ZNF385B: variants seen among roughly 807,000 people sequenced by gnomAD.
The protein encoded by ZNF385B is zinc finger protein 385B, also known as zinc finger protein 533.
ZNF385B carries 23 observed loss-of-function variants against 39.2 expected under a neutral mutation model. The observed-to-expected ratio is 0.59, with a 90% confidence interval of 0.42 to 0.83. ZNF385B has a LOEUF of 0.83. Among genes scored for constraint, ZNF385B ranks in the 40% least tolerant of loss-of-function variants. ZNF385B has a pLI of 0.00. For missense variants in ZNF385B, 552 were observed against 598.9 expected (o/e 0.92, Z 0.82); for synonymous variants, 205 against 222.6 (o/e 0.92, Z 0.70).
chr2:179,808,140 C>T (rs2106563185), intron 1 of ZNF385B, among the ~76,000 whole-genome samples: 1 of 152,044 alleles, frequency 6.6e-6, no homozygotes, highest in East Asian at 2.0e-4. Flanking sequence ...TCACGCCATT[C>T]TCCTGCCTTA....
intron 4 of ZNF385B, among the ~76,000 whole-genome samples, chr2:179,528,439 A>G (rs2059056063): frequency 6.6e-6 from 1 of 152,220 alleles, no homozygotes; most frequent in Non-Finnish European, 1.5e-5. Flanking sequence ...AATGATCATG[A>G]GTTACTTCTT....
At chr2:179,806,699 A>T (rs1706372658) in intron 1 of ZNF385B, among the ~76,000 whole-genome samples, 1 of 152,172 alleles carries the variant, frequency 6.6e-6, no homozygotes, top group Non-Finnish European at 1.5e-5. Context: ...ATTATTCCTA[A>T]TTTGTCAATG....
chr2:179,852,937 TG>T (rs1451971138), intron 1 of ZNF385B, among the ~76,000 whole-genome samples: 1 of 152,198 alleles, frequency 6.6e-6, no homozygotes, highest in Non-Finnish European at 1.5e-5. Flanking sequence ...AAAAGACCAC[TG>T]TGCAAAAGAG....
chr2:179,711,198 C>T (rs372325860), intron 3 of ZNF385B, among the ~76,000 whole-genome samples: 9 of 152,196 alleles, frequency 5.9e-5, no homozygotes, highest in African/African-American at 1.7e-4. Context: ...TTTACTCTCG[C>T]AATGTAACCC....
chr2:179,754,082 C>T (rs1394032376), intron 3 of ZNF385B, among the ~76,000 whole-genome samples: 1 of 152,096 alleles, frequency 6.6e-6, no homozygotes, highest in African/African-American at 2.4e-5. Flanking sequence ...TCATAAATAG[C>T]TCTTATTATT....
intron 1 of ZNF385B, among the ~76,000 whole-genome samples, chr2:179,781,400 A>C (rs1450910924): frequency 6.6e-6 from 1 of 152,226 alleles, no homozygotes; most frequent in Non-Finnish European, 1.5e-5. Context: ...CTTACGACAA[A>C]GTGGTAAAAG....
intron 1 of ZNF385B, among the ~76,000 whole-genome samples, chr2:179,841,296 C>T (rs1245613435): frequency 1.2e-4 from 18 of 152,120 alleles, no homozygotes; most frequent in Admixed American, 1.3e-4. Flanking sequence ...AAATGGTTGA[C>T]ATTAAGTGGA....
At chr2:179,524,606 C>T (rs17285077) in intron 4 of ZNF385B, among the ~76,000 whole-genome samples, 45,140 of 140,090 alleles carry the variant, frequency 0.32, 7,267 homozygotes, top group East Asian at 0.38. Context: ...AGTCAGCCAT[C>T]GAGCAAATAT....
chr2:179,443,528 C>T, intron 9 of ZNF385B, 60 bp from the exon 10 acceptor site: 1 of 1,303,250 alleles, frequency 7.7e-7, no homozygotes, highest in South Asian at 1.3e-5. Flanking sequence ...AACAGCACCA[C>T]AGGCATCTTT....
rs114019356 is a variant in ZNF385B, at chr2:179,818,181, T to C, written c.-155+42920A>G. On this transcript the variant is annotated intron_variant, in intron 1 of 9. Transcript: ENST00000410066. ...GAACTAGAGAGACTTTTTATTTCCCTGGATCCTATGTGGTAGGAGAGATTT... is the reference window on the plus strand; with the variant it reads ...GAACTAGAGAGACTTTTTATTTCCCCGGATCCTATGTGGTAGGAGAGATTT... Among the ~76,000 whole-genome samples, 737 of 152,304 alleles carry C rather than the reference T, an allele frequency of 4.8e-3. 3 individuals carry two copies. Among genetic ancestry groups the C allele is most frequent in the African/African-American group, 0.017 (708 of 41,562 alleles).
At chr2:179,655,584 AAGAG>A (rs1693667243) in intron 3 of ZNF385B, among the ~76,000 whole-genome samples, 1 of 151,840 alleles carries the variant, frequency 6.6e-6, no homozygotes, top group South Asian at 2.1e-4. Flanking sequence ...AAAAAACAGG[AAGAG>A]AGAGAAAGAG....
intron 3 of ZNF385B, among the ~76,000 whole-genome samples, chr2:179,622,910 C>T (rs1456431589): frequency 2.0e-5 from 3 of 152,148 alleles, no homozygotes; most frequent in African/African-American, 4.8e-5. Context: ...TCATGCACTA[C>T]CATCATTATC....
chr2:179,483,505 G>GAAA, intron 5 of ZNF385B, 71 bp from the exon 6 acceptor site: 2 of 1,589,352 alleles, frequency 1.3e-6, no homozygotes. Context: ...TCATGCAGGA[G>GAAA]AAAAATACAT....
intron 3 of ZNF385B, among the ~76,000 whole-genome samples, chr2:179,577,910 T>A (rs1413822441): frequency 6.6e-6 from 1 of 152,140 alleles, no homozygotes; most frequent in African/African-American, 2.4e-5. Flanking sequence ...CTAACATATA[T>A]CCATTTTTTA....
intron 3 of ZNF385B, among the ~76,000 whole-genome samples, chr2:179,553,688 C>T (rs1399137277): frequency 6.7e-6 from 1 of 149,082 alleles, no homozygotes; most frequent in African/African-American, 2.5e-5. Flanking sequence ...ATATGTAAAG[C>T]TGTTACATGA....
intron 3 of ZNF385B, among the ~76,000 whole-genome samples, chr2:179,642,846 A>C (rs2106224278): frequency 6.6e-6 from 1 of 152,318 alleles, no homozygotes; most frequent in East Asian, 1.9e-4. Context: ...ATTAAATCTC[A>C]ACCCTTCAGT....
intron 6 of ZNF385B, among the ~76,000 whole-genome samples, chr2:179,451,028 C>T (rs998350656): frequency 7.0e-6 from 1 of 143,420 alleles, no homozygotes; most frequent in Non-Finnish European, 1.5e-5. Flanking sequence ...CATGTTCTCA[C>T]TCATAGGTGG....
At chr2:179,718,906 A>G (rs1515294) in intron 3 of ZNF385B, among the ~76,000 whole-genome samples, 22,073 of 151,466 alleles carry the variant, frequency 0.15, 2,049 homozygotes, top group East Asian at 0.49. Flanking sequence ...CAGCAGAAGG[A>G]GAAGATAATG....
intron 3 of ZNF385B, among the ~76,000 whole-genome samples, chr2:179,663,880 T>C (rs1694817597): frequency 1.3e-5 from 2 of 152,006 alleles, no homozygotes; most frequent in Admixed American, 6.5e-5. Context: ...GAGACCAAGA[T>C]AGCACAAGCA....
Sources: allele counts gnomAD v4.1 joint callset (sites outside exome capture counted in the v4.1 genomes callset), GRCh38; gene constraint gnomAD v4.1.1; transcripts MANE v1.5; gene names NCBI Gene and HGNC (gene_info 2026-07-23, HGNC 2026-07-21).